Variants in SLC14A2 observed in about 807,000 individuals in gnomAD.
The protein encoded by SLC14A2 is solute carrier family 14 member 2, also known as urea transporter 2.
A neutral mutation model predicts 104.6 loss-of-function variants in SLC14A2; 91 were observed. The observed-to-expected ratio is 0.87, with a 90% confidence interval of 0.73 to 1.04. SLC14A2 has a LOEUF of 1.04. SLC14A2 is among the 50% of genes least tolerant of loss of function. SLC14A2 has a pLI of 0.00. For missense variants in SLC14A2, 1,189 were observed against 1,156.0 expected, an observed-to-expected ratio of 1.03 and a Z score of -0.41; for synonymous variants, 476 against 466.4, an observed-to-expected ratio of 1.02 and a Z score of -0.27.
chr18:45,426,672 TAC>T (rs1193685115), intron 1 of SLC14A2, among the ~76,000 whole-genome samples: 2 of 140,060 alleles, frequency 1.4e-5, no homozygotes, highest in Non-Finnish European at 3.0e-5. Flanking sequence ...TACATATATA[TAC>T]ACACATATAC....
At chr18:45,347,457 C>A (rs1455756833) in intron 1 of SLC14A2, among the ~76,000 whole-genome samples, 1 of 152,166 alleles carries the variant, frequency 6.6e-6, no homozygotes, top group Non-Finnish European at 1.5e-5. Flanking sequence ...ACTTTATTTT[C>A]TTTTCATAAA....
intron 1 of SLC14A2, among the ~76,000 whole-genome samples, chr18:45,455,637 CATAATA>C (rs141156069): frequency 6.7e-6 from 1 of 148,900 alleles, no homozygotes; most frequent in African/African-American, 2.5e-5. Flanking sequence ...GAACTTAAAG[CATAATA>C]ATAATAATAA....
At chr18:45,339,669 G>A (rs1870294820) in intron 1 of SLC14A2, among the ~76,000 whole-genome samples, 1 of 152,180 alleles carries the variant, frequency 6.6e-6, no homozygotes, top group Admixed American at 6.5e-5. Context: ...TGTGGACAAT[G>A]AAAAGAGCAT....
At chr18:45,263,325 G>A (rs879745404) in intron 1 of SLC14A2, among the ~76,000 whole-genome samples, 13 of 152,310 alleles carry the variant, frequency 8.5e-5, no homozygotes, top group Middle Eastern at 3.4e-3. Flanking sequence ...TCTTCTCAGC[G>A]TATAAGATCA....
chr18:45,183,196 C>A, the SLC14A2 span, among the ~76,000 whole-genome samples: 6 of 152,124 alleles, frequency 3.9e-5, no homozygotes, highest in East Asian at 1.9e-4. Flanking sequence ...TGCTTTAAAC[C>A]CAGGCACACC....
chr18:45,518,919 T>C (rs1568255260), intron 2 of SLC14A2, among the ~76,000 whole-genome samples: 1 of 152,180 alleles, frequency 6.6e-6, no homozygotes, highest in East Asian at 1.9e-4. Context: ...GTGATTCTGG[T>C]TAAGCTGAGA....
At chr18:45,616,914 A>T (rs1363655661) in intron 1 of SLC14A2, among the ~76,000 whole-genome samples, 1 of 152,146 alleles carries the variant, frequency 6.6e-6, no homozygotes, top group East Asian at 1.9e-4. Context: ...TCTGGGCAAC[A>T]TGATGAAACC....
intron 1 of SLC14A2, among the ~76,000 whole-genome samples, chr18:45,286,718 TTG>T (rs112827861): frequency 2.7e-5 from 4 of 150,666 alleles, no homozygotes; most frequent in East Asian, 3.9e-4. Context: ...TCCCCCCAAC[TTG>T]TGTGTGTGTG....
chr18:45,468,982 G>A (rs1230666611), intron 1 of SLC14A2, among the ~76,000 whole-genome samples: 1 of 152,228 alleles, frequency 6.6e-6, no homozygotes, highest in Non-Finnish European at 1.5e-5. Flanking sequence ...AAGCCAAGCT[G>A]AGGTGTTGAT....
At chr18:45,289,818 C>T (rs1257481666) in intron 1 of SLC14A2, among the ~76,000 whole-genome samples, 2 of 152,166 alleles carry the variant, frequency 1.3e-5, no homozygotes, top group Admixed American at 6.5e-5. Context: ...GTTTTTGCTT[C>T]CTTTGAACAT....
At chr18:45,415,604 A>G (rs531016603) in intron 1 of SLC14A2, among the ~76,000 whole-genome samples, 6 of 152,252 alleles carry the variant, frequency 3.9e-5, no homozygotes, top group African/African-American at 1.4e-4. Context: ...CCCAATTTTT[A>G]TTTAGAAAAC....
intron 1 of SLC14A2, among the ~76,000 whole-genome samples, chr18:45,399,119 AT>A (rs2086067898): frequency 6.6e-6 from 1 of 152,238 alleles, no homozygotes; most frequent in South Asian, 2.1e-4. Flanking sequence ...CAATATTGAG[AT>A]GAGAACACTG....
intron 2 of SLC14A2, among the ~76,000 whole-genome samples, chr18:45,520,044 G>A (rs2043495540): frequency 6.6e-6 from 1 of 152,184 alleles, no homozygotes; most frequent in Admixed American, 6.5e-5. Flanking sequence ...GATCTCTTTG[G>A]GCCAATGGGC....
chr18:45,642,624 C>G (rs1269575453), intron 8 of SLC14A2, among the ~76,000 whole-genome samples: 1 of 152,220 alleles, frequency 6.6e-6, no homozygotes, highest in Non-Finnish European at 1.5e-5. Flanking sequence ...GGGAACCCAG[C>G]TGCCTGGCTC....
At chr18:45,575,174 G>A (rs2044402205) in intron 2 of SLC14A2, among the ~76,000 whole-genome samples, 1 of 152,056 alleles carries the variant, frequency 6.6e-6, no homozygotes, top group Non-Finnish European at 1.5e-5. Context: ...AGGTCAGAGT[G>A]GGGAATCTGA....
At chr18:45,607,419 G>A (rs181728778) in intron 2 of SLC14A2, among the ~76,000 whole-genome samples, 10 of 152,234 alleles carry the variant, frequency 6.6e-5, no homozygotes, top group Admixed American at 6.5e-4. Context: ...TTGCTAGGAA[G>A]GATTAAATAA....
chr18:45,632,973 A>G (rs4890293), intron 5 of SLC14A2, among the ~76,000 whole-genome samples: 140,490 of 152,318 alleles, frequency 0.92, 64,929 homozygotes, highest in Middle Eastern at 0.96. Flanking sequence ...CACCATGCCC[A>G]GCCAGGAGGA....
intron 1 of SLC14A2, among the ~76,000 whole-genome samples, chr18:45,620,498 T>C (rs1210947787): frequency 6.6e-6 from 1 of 152,168 alleles, no homozygotes. Flanking sequence ...GGAGTACCTT[T>C]TTGGAGAGTA....
rs551061744 is a variant in SLC14A2, at chr18:45,235,294, A to G, written c.-125+22103A>G. On this transcript the variant is annotated intron_variant, in intron 1 of 20. Coordinates refer to the SLC14A2 transcript ENST00000586448. ...AAAATGCTTTATTTTTATTATTTTG[A>G]CACACAATAATTGTGCATATTTATG... 1.1e-4 allele frequency among the ~76,000 whole-genome samples: 17 copies of G among 152,256 alleles called. No homozygotes were observed. In the South Asian group the frequency reaches 3.3e-3, roughly 30 times the overall value.
Sources: gnomAD v4.1 joint callset for allele counts (sites outside exome capture counted in the v4.1 genomes callset) on GRCh38, gnomAD v4.1.1 for gene constraint, MANE v1.5 for transcripts, NCBI Gene and HGNC (gene_info 2026-07-23, HGNC 2026-07-21) for gene names.